SCAI: variants seen among roughly 807,000 people sequenced by gnomAD.
SCAI encodes the protein protein SCAI.
A neutral mutation model predicts 92.2 loss-of-function variants in SCAI; 24 were observed. The observed-to-expected ratio is 0.26, with a 90% CI of 0.19 to 0.37. SCAI has a LOEUF of 0.37. Among genes scored for constraint, SCAI ranks in the 10% least tolerant of loss-of-function variants. The pLI, the probability that SCAI is intolerant of heterozygous loss-of-function variation, is 1.00. For synonymous variants in SCAI, 261 were observed against 258.6 expected (o/e 1.01, Z -0.09); for missense variants, 450 against 736.2 (o/e 0.61, Z 4.50).
chr9:125,088,076 T>A (rs1034546985), intron 2 of SCAI, among the ~76,000 whole-genome samples: 1 of 152,226 alleles, frequency 6.6e-6, no homozygotes, highest in Non-Finnish European at 1.5e-5. Context: ...GATACGTCAA[T>A]AGAATGGTCT....
intron 9 of SCAI, among the ~76,000 whole-genome samples, chr9:125,013,514 G>A (rs1466267430): frequency 6.6e-6 from 1 of 152,172 alleles, no homozygotes; most frequent in African/African-American, 2.4e-5. Flanking sequence ...CCAGTAACAG[G>A]CTCTGAAATT....
intron 2 of SCAI, among the ~76,000 whole-genome samples, chr9:125,131,105 T>A (rs1460830384): frequency 1.3e-5 from 2 of 151,886 alleles, no homozygotes; most frequent in Non-Finnish European, 2.9e-5. Flanking sequence ...AAACAGATAT[T>A]TTTTTAAAAA....
At chr9:125,121,795 A>G (rs920841646) in intron 2 of SCAI, among the ~76,000 whole-genome samples, 1 of 152,020 alleles carries the variant, frequency 6.6e-6, no homozygotes, top group Non-Finnish European at 1.5e-5. Context: ...AGAGGTTGCA[A>G]TGAGCCGGGA....
chr9:125,087,047 G>A (rs923511636), intron 2 of SCAI, among the ~76,000 whole-genome samples: 1 of 152,140 alleles, frequency 6.6e-6, no homozygotes, highest in African/African-American at 2.4e-5. Flanking sequence ...AAACCAGACT[G>A]TATCAGGCAA....
At chr9:124,954,879 A>G (rs1831289756) in intron 17 of SCAI, among the ~76,000 whole-genome samples, 1 of 152,156 alleles carries the variant, frequency 6.6e-6, no homozygotes, top group African/African-American at 2.4e-5. Context: ...TCAAAAATAA[A>G]AGGTGGCCGG....
At chr9:124,979,681 G>A (rs980774449) in intron 14 of SCAI, among the ~76,000 whole-genome samples, 13 of 152,182 alleles carry the variant, frequency 8.5e-5, no homozygotes, top group African/African-American at 3.1e-4. Context: ...TAGGCGGGAG[G>A]AAGAGATTTC....
chr9:125,055,668 G>A (rs1258715569), intron 3 of SCAI, among the ~76,000 whole-genome samples: 1 of 152,022 alleles, frequency 6.6e-6, no homozygotes, highest in Non-Finnish European at 1.5e-5. Context: ...TTTTTAAGTT[G>A]ACTAAAACAG....
At chr9:125,093,258 G>A (rs1834476082) in intron 2 of SCAI, among the ~76,000 whole-genome samples, 1 of 152,100 alleles carries the variant, frequency 6.6e-6, no homozygotes, top group African/African-American at 2.4e-5. Context: ...CTACTCGGGA[G>A]GCTGAGGCAG....
intron 17 of SCAI, among the ~76,000 whole-genome samples, chr9:124,957,854 TG>T (rs1831353885): frequency 6.6e-6 from 1 of 152,092 alleles, no homozygotes; most frequent in Non-Finnish European, 1.5e-5. Flanking sequence ...AGCTAATTTT[TG>T]TATTTTTAGT....
At chr9:125,133,596 A>G (rs1451063940) in intron 2 of SCAI, among the ~76,000 whole-genome samples, 1 of 152,168 alleles carries the variant, frequency 6.6e-6, no homozygotes, top group Admixed American at 6.6e-5. Flanking sequence ...AACCACAATG[A>G]CACGTACCAG....
In SCAI at chr9:125,084,158, C is replaced by CTTTTTTTTTTTTTT. The variant is rs34786493; in HGVS notation, c.99-28165_99-28152dup. Among the ~76,000 whole-genome samples the CTTTTTTTTTTTTTT allele has an allele frequency of 4.6e-4, 30 of 65,138 alleles. 9 individuals carry two copies. The highest frequency in any genetic ancestry group is 7.2e-4 in the African/African-American group (11 of 15,266). 42.7% of individuals were successfully genotyped at this position (65,138 alleles called of 152,430 possible). ...ATATGAACAGGACTCTTGGCTGCTG[C>CTTTTTTTTTTTTTT]TTTTTTTTTTTTTTTTTTTTTTTTT... On this transcript the variant is annotated intron_variant, in intron 2 of 17. Coordinates refer to ENST00000336505, the MANE Select transcript of SCAI (RefSeq NM_001144877.3).
At chr9:125,073,634 G>A (rs1377197099) in intron 2 of SCAI, among the ~76,000 whole-genome samples, 1 of 151,984 alleles carries the variant, frequency 6.6e-6, no homozygotes, top group African/African-American at 2.4e-5. Flanking sequence ...CCTGCTTATT[G>A]GCCATTTGCA....
chr9:125,036,163 T>C (rs1312003304), intron 3 of SCAI, among the ~76,000 whole-genome samples: 1 of 151,708 alleles, frequency 6.6e-6, no homozygotes, highest in Non-Finnish European at 1.5e-5. Flanking sequence ...AATAAATAAA[T>C]AAAATAAAAT....
intron 9 of SCAI, among the ~76,000 whole-genome samples, chr9:125,005,381 G>T (rs758424855): frequency 2.6e-5 from 4 of 152,182 alleles, no homozygotes; most frequent in Non-Finnish European, 4.4e-5. Flanking sequence ...ACTCAGGCTG[G>T]AGTGCAACGG....
chr9:124,959,623 G>A (rs1404657164), intron 17 of SCAI, among the ~76,000 whole-genome samples: 4 of 151,534 alleles, frequency 2.6e-5, no homozygotes, highest in Admixed American at 6.6e-5. Context: ...CCATGTTGGT[G>A]TGCTGCACCC....
chr9:125,127,539 G>A (rs569172898), intron 2 of SCAI, among the ~76,000 whole-genome samples: 1 of 151,996 alleles, frequency 6.6e-6, no homozygotes, highest in African/African-American at 2.4e-5. Context: ...CCCAAGGGCA[G>A]AATTTGATTT....
intron 2 of SCAI, among the ~76,000 whole-genome samples, chr9:125,098,074 A>T (rs1210166822): frequency 2.0e-5 from 3 of 151,712 alleles, no homozygotes; most frequent in Non-Finnish European, 4.4e-5. Flanking sequence ...TATATATATG[A>T]GACAGGGTCT....
At chr9:125,024,280 T>TG (rs1417977522) in intron 6 of SCAI, among the ~76,000 whole-genome samples, 1 of 150,230 alleles carries the variant, frequency 6.7e-6, no homozygotes, top group East Asian at 2.0e-4. Flanking sequence ...TTATGAAGTT[T>TG]TTTTTTTTTT....
chr9:125,121,889 A>G (rs902299777), intron 2 of SCAI, among the ~76,000 whole-genome samples: 1 of 152,198 alleles, frequency 6.6e-6, no homozygotes. Flanking sequence ...AAGAGTAAAA[A>G]TGCTATGAAC....
Sources: gnomAD v4.1 joint callset for allele counts (sites outside exome capture counted in the v4.1 genomes callset) on GRCh38, gnomAD v4.1.1 for gene constraint, MANE v1.5 for transcripts, NCBI Gene and HGNC (gene_info 2026-07-23, HGNC 2026-07-21) for gene names.